The following CSMD1 variants were observed in gnomAD, a reference collection of about 807,000 sequenced individuals.
The protein encoded by CSMD1 is CUB and Sushi multiple domains 1, also known as CUB and sushi domain-containing protein 1.
Under a neutral mutation model 417.5 loss-of-function variants are expected in CSMD1, and 213 were observed. That is an observed-to-expected ratio of 0.51 (90% CI 0.46 to 0.57). The LOEUF is 0.57. CSMD1 is among the 20% of genes least tolerant of loss of function. The probability of loss-of-function intolerance (pLI) is 0.00; values close to 1 mark genes in which losing one functional copy is unlikely to be tolerated. For synonymous variants in CSMD1, 2,862 were observed against 1,736.8 expected (o/e 1.65, Z -16.11); for missense variants, 6,923 against 4,529.7 (o/e 1.53, Z -15.17).
chr8:4,242,133 T>G (rs1802441434), intron 3 of CSMD1, among the ~76,000 whole-genome samples: 1 of 152,244 alleles, frequency 6.6e-6, no homozygotes. Flanking sequence ...ATTATATGTC[T>G]TTCTTAGCAT....
chr8:4,693,133 G>A (rs932281779), intron 1 of CSMD1, among the ~76,000 whole-genome samples: 1 of 152,172 alleles, frequency 6.6e-6, no homozygotes, highest in South Asian at 2.1e-4. Flanking sequence ...CTGAGTGTCA[G>A]GGTTGCTCTC....
rs548952475 is a variant in CSMD1, at chr8:4,075,612, T to C, written c.416-43513A>G. Among the ~76,000 whole-genome samples, 4 of 152,308 alleles carry C rather than the reference T, an allele frequency of 2.6e-5. No individual in the cohort carries two copies. The South Asian group carries it at 6.2e-4, about 24-fold the overall frequency. ...TCCTTGTTCTGCATAGCGGAGTTAA[T>C]CTATTATTGTAGTATAACTCACACT... is the stretch of plus-strand genomic sequence containing the variant. On this transcript the variant is annotated intron_variant, in intron 3 of 69. Transcript: ENST00000635120.
intron 17 of CSMD1, 110 bp downstream of exon 17, chr8:3,396,084 C>A (rs955164082): frequency 2.2e-6 from 2 of 890,500 alleles, no homozygotes; most frequent in African/African-American, 3.4e-5. Flanking sequence ...TAGAGTCAAG[C>A]AGGATCAGTA....
intron 5 of CSMD1, among the ~76,000 whole-genome samples, chr8:3,864,575 G>C (rs563833316): frequency 1.1e-4 from 17 of 152,168 alleles, no homozygotes; most frequent in African/African-American, 3.9e-4. Flanking sequence ...CCATTAACTC[G>C]TCATTTAGCA....
intron 4 of CSMD1, among the ~76,000 whole-genome samples, chr8:4,028,735 T>A (rs904034505): frequency 6.6e-6 from 1 of 152,210 alleles, no homozygotes; most frequent in Admixed American, 6.5e-5. Context: ...GTGTTAATAA[T>A]TATTACATTA....
intron 1 of CSMD1, among the ~76,000 whole-genome samples, chr8:4,979,451 T>G (rs1810753063): frequency 6.6e-6 from 1 of 152,168 alleles, no homozygotes; most frequent in Non-Finnish European, 1.5e-5. Flanking sequence ...GTATAGCAGA[T>G]GCCGTCAAAG....
intron 7 of CSMD1, among the ~76,000 whole-genome samples, chr8:3,678,222 G>T (rs1180751217): frequency 6.6e-6 from 1 of 152,154 alleles, no homozygotes; most frequent in Non-Finnish European, 1.5e-5. Context: ...GAAGGTTTCA[G>T]ATGATCAAAC....
intron 7 of CSMD1, among the ~76,000 whole-genome samples, chr8:3,669,735 G>A (rs1259072397): frequency 1.3e-5 from 2 of 152,106 alleles, no homozygotes; most frequent in African/African-American, 2.4e-5. Flanking sequence ...CAGGAGGACA[G>A]GGGCCCTGAC....
At chr8:4,762,924 T>C (rs912982996) in intron 1 of CSMD1, among the ~76,000 whole-genome samples, 2 of 152,218 alleles carry the variant, frequency 1.3e-5, no homozygotes, top group African/African-American at 2.4e-5. Context: ...GGTAGGGTTA[T>C]AATTTTAAAA....
chr8:3,979,289 G>T (rs529924129), intron 5 of CSMD1, among the ~76,000 whole-genome samples: 1 of 152,182 alleles, frequency 6.6e-6, no homozygotes, highest in Non-Finnish European at 1.5e-5. Context: ...GCTCTAATTT[G>T]TTCTGGATGT....
At chr8:4,101,563 T>A (rs1399594706) in intron 3 of CSMD1, among the ~76,000 whole-genome samples, 1 of 152,206 alleles carries the variant, frequency 6.6e-6, no homozygotes, top group Non-Finnish European at 1.5e-5. Context: ...GTAGGAAGTT[T>A]CTTAATTTTA....
At chr8:4,169,006 G>T (rs533140746) in intron 3 of CSMD1, among the ~76,000 whole-genome samples, 1 of 151,948 alleles carries the variant, frequency 6.6e-6, no homozygotes, top group Non-Finnish European at 1.5e-5. Flanking sequence ...CTTATCAGCC[G>T]CTTACTCTTA....
chr8:4,595,079 T>C (rs1186911513), intron 2 of CSMD1, among the ~76,000 whole-genome samples: 1 of 152,206 alleles, frequency 6.6e-6, no homozygotes, highest in African/African-American at 2.4e-5. Context: ...TGTGCCTTTT[T>C]TTATAACTTT....
chr8:4,450,699 TCA>T lies in CSMD1; in HGVS notation c.303-30636_303-30635del, dbSNP rs540803773. Among the ~76,000 whole-genome samples, 54 of 152,218 alleles carry T rather than the reference TCA, an allele frequency of 3.5e-4. 1 individual carries two copies. In the South Asian group the frequency reaches 0.011, roughly 32 times the overall value. On this transcript the variant is annotated intron_variant, in intron 2 of 69. Coordinates refer to ENST00000635120, the MANE Select transcript of CSMD1 (RefSeq NM_033225.6). Reference sequence around the variant, plus strand: ...TGCACTGTATCCAATGTATAACACATCACAGAGTTTTAATAAATGTCAAACAT... The same window carrying T: ...TGCACTGTATCCAATGTATAACACATCAGAGTTTTAATAAATGTCAAACAT...
intron 3 of CSMD1, among the ~76,000 whole-genome samples, chr8:4,393,796 C>G (rs1028648228): frequency 3.9e-5 from 6 of 152,164 alleles, no homozygotes; most frequent in Non-Finnish European, 8.8e-5. Flanking sequence ...AACTGATCAT[C>G]TTTATATGCC....
At chr8:3,734,965 G>C (rs1442080276) in intron 6 of CSMD1, among the ~76,000 whole-genome samples, 6 of 152,156 alleles carry the variant, frequency 3.9e-5, no homozygotes, top group African/African-American at 1.2e-4. Context: ...CTCTGTTCTT[G>C]TTTTGAGAGC....
intron 10 of CSMD1, among the ~76,000 whole-genome samples, chr8:3,517,975 T>G (rs938593949): frequency 6.6e-6 from 1 of 152,160 alleles, no homozygotes; most frequent in African/African-American, 2.4e-5. Flanking sequence ...ACCTCATCAA[T>G]AAATAATCAT....
chr8:4,746,058 T>G (rs1196799729), intron 1 of CSMD1, among the ~76,000 whole-genome samples: 1 of 152,206 alleles, frequency 6.6e-6, no homozygotes, highest in Admixed American at 6.5e-5. Flanking sequence ...TAAGATAATT[T>G]TTGTTACTGT....
intron 7 of CSMD1, among the ~76,000 whole-genome samples, chr8:3,654,250 T>A (rs1322514545): frequency 1.3e-5 from 2 of 152,224 alleles, no homozygotes; most frequent in Non-Finnish European, 2.9e-5. Flanking sequence ...TTCAGGGACT[T>A]ATTTAAAATG....
Sources: gnomAD v4.1 joint callset for allele counts (sites outside exome capture counted in the v4.1 genomes callset) on GRCh38, gnomAD v4.1.1 for gene constraint, MANE v1.5 for transcripts, NCBI Gene and HGNC (gene_info 2026-07-23, HGNC 2026-07-21) for gene names.